CYP2B6: variants seen among roughly 807,000 people sequenced by gnomAD.
CYP2B6 encodes cytochrome P450 2B6.
Under a neutral mutation model 43.4 loss-of-function variants are expected in CYP2B6, and 35 were observed. That is an observed-to-expected ratio of 0.81 (90% CI 0.62 to 1.07). The LOEUF (loss-of-function observed/expected upper bound fraction) is 1.07. Ranked by LOEUF, CYP2B6 falls within the 50% of genes least tolerant of loss-of-function variation. CYP2B6 has a pLI of 0.00. For missense variants in CYP2B6, 624 were observed against 632.8 expected (o/e 0.99, Z 0.15); for synonymous variants, 239 against 239.2 (o/e 1.00, Z 0.01).
chr19:40,993,070 G>C lies in CYP2B6; in HGVS notation c.171+1594G>C, dbSNP rs115734479. On this transcript the variant is annotated intron_variant, in intron 1 of 8. Transcript: ENST00000324071. ...TTCAGACAATAAAGATAGTTCAATA[G>C]TATTAGAGTCCAATTGGTCATAGAT... Among the ~76,000 whole-genome samples, 3 of 152,240 alleles carry C rather than the reference G, an allele frequency of 2.0e-5. No individual in the cohort carries two copies. In the South Asian group the frequency reaches 6.2e-4, roughly 32 times the overall value.
At chr19:40,998,668 GT>G (rs1429399973) in intron 1 of CYP2B6, among the ~76,000 whole-genome samples, 2 of 125,752 alleles carry the variant, frequency 1.6e-5, no homozygotes, top group Non-Finnish European at 3.5e-5. Context: ...GTGAGAATAT[GT>G]GGTGTTTGGT....
Position 41,004,427 on chromosome 19 carries a change from G to A in CYP2B6, c.465G>A (p.Glu155=), listed in dbSNP as rs138652715. 400 of 1,613,840 alleles carry A rather than the reference G, an allele frequency of 2.5e-4. No individual in the cohort carries two copies. In the African/African-American group the frequency reaches 4.4e-3, roughly 18 times the overall value. The change falls in exon 3 of 9, where the codon GAG becomes GAA. Residue 155 remains glutamate, a synonymous_variant. Transcript: ENST00000324071. ...AGGAGGAGGCTCAGTGTCTGATAGA[G>A]GAGCTTCGGAAATCCAAGGGTGAGT... ...RIQEEAQCLI[E]ELRKSKGALM... is the part of the protein sequence containing the mutation.
chr19:40,993,263 T>C (rs369071898), intron 1 of CYP2B6, among the ~76,000 whole-genome samples: 5 of 152,276 alleles, frequency 3.3e-5, no homozygotes, highest in African/African-American at 1.2e-4. Context: ...GCTGTGTTAG[T>C]CCATTCTCAC....
At chr19:40,992,678 C>T (rs1333867424) in intron 1 of CYP2B6, among the ~76,000 whole-genome samples, 2 of 152,062 alleles carry the variant, frequency 1.3e-5, no homozygotes, top group African/African-American at 4.8e-5. Context: ...TGCCACCACG[C>T]CCAGCTAATT....
At chr19:41,016,356 T>C (rs1401778058) in intron 8 of CYP2B6, among the ~76,000 whole-genome samples, 160 of 127,994 alleles carry the variant, frequency 1.3e-3, no homozygotes, top group African/African-American at 4.4e-3. Flanking sequence ...GCCAAGATGG[T>C]GCCACTGTGC....
intron 1 of CYP2B6, among the ~76,000 whole-genome samples, chr19:40,992,065 A>G (rs964992669): frequency 2.0e-5 from 3 of 151,906 alleles, no homozygotes; most frequent in Admixed American, 6.6e-5. Flanking sequence ...AGCTGGGCAT[A>G]GTGATGCGTG....
chr19:41,002,780 C>T (rs1054105939), intron 1 of CYP2B6, among the ~76,000 whole-genome samples: 2 of 152,068 alleles, frequency 1.3e-5, no homozygotes, highest in Non-Finnish European at 2.9e-5. Context: ...AACTCCTGAC[C>T]TCGTGATCAG....
chr19:40,999,697 A>C (rs150764891), intron 1 of CYP2B6, among the ~76,000 whole-genome samples: 56 of 151,986 alleles, frequency 3.7e-4, no homozygotes, highest in Middle Eastern at 3.4e-3. Context: ...TTTTCATTTT[A>C]ATTGTTTTAG....
At chr19:41,003,877 C>A (rs1969132701) in intron 1 of CYP2B6, 124 bp from the exon 2 acceptor site, 1 of 1,329,386 alleles carries the variant, frequency 7.5e-7, no homozygotes. Flanking sequence ...GGGGAAAGGG[C>A]AGCCTGGGGA....
chr19:41,012,196 C>T, intron 6 of CYP2B6, 102 bp from the exon 7 acceptor site: 1 of 1,099,100 alleles, frequency 9.1e-7, no homozygotes, highest in South Asian at 1.3e-5. Flanking sequence ...GGAATCCACC[C>T]ACCTCAACCT....
chr19:41,006,581 G>A (rs776676674), intron 3 of CYP2B6, among the ~76,000 whole-genome samples: 4 of 151,886 alleles, frequency 2.6e-5, no homozygotes, highest in Admixed American at 6.6e-5. Context: ...AGTGAGAACC[G>A]GCTGCATGGA....
chr19:41,011,854 A>C (rs1309545869), intron 6 of CYP2B6, among the ~76,000 whole-genome samples: 1 of 152,098 alleles, frequency 6.6e-6, no homozygotes, highest in Non-Finnish European at 1.5e-5. Flanking sequence ...CCCCATGCTG[A>C]TTACTTTGAG....
chr19:41,005,805 AAT>A (rs1181094274), intron 3 of CYP2B6, among the ~76,000 whole-genome samples: 88 of 152,038 alleles, frequency 5.8e-4, no homozygotes, highest in African/African-American at 2.0e-3. Flanking sequence ...ATAATAATAA[AAT>A]AAAGAACGGC....
intron 1 of CYP2B6, among the ~76,000 whole-genome samples, chr19:40,997,600 A>C (rs1969016839): frequency 6.6e-6 from 1 of 152,176 alleles, no homozygotes; most frequent in African/African-American, 2.4e-5. Flanking sequence ...GATAATTGTC[A>C]TACATATATA....
intron 6 of CYP2B6, among the ~76,000 whole-genome samples, chr19:41,010,390 G>GTTT (rs1355817533): frequency 1.6e-4 from 24 of 149,270 alleles, no homozygotes; most frequent in African/African-American, 5.9e-4. Flanking sequence ...TTGTTTGTTT[G>GTTT]TTTGTTTTTT....
chr19:40,991,573 A>G, intron 1 of CYP2B6, 97 bp downstream of exon 1: 1 of 1,382,006 alleles, frequency 7.2e-7, no homozygotes, highest in African/African-American at 1.4e-5. Flanking sequence ...TTCCAGAGTC[A>G]GGGGTGGCAC....
Position 40,991,339 on chromosome 19 carries a change from C to T in CYP2B6, c.34C>T (p.Leu12Phe), listed in dbSNP as rs758475406. 6.2e-7 allele frequency: 1 copy of T among 1,614,104 alleles called. No individual in the cohort carries two copies. The highest frequency in any genetic ancestry group is 8.5e-7 in the Non-Finnish European group (1 of 1,180,020). ...CAGCGTCCTCCTCTTCCTTGCACTC[C>T]TCACAGGACTCTTGCTACTCCTGGT... ...ELSVLLFLAL[L>F]TGLLLLLVQR... The change falls in exon 1 of 9, where the codon CTC (leucine) becomes TTC (phenylalanine). Residue 12 changes from leucine (L) to phenylalanine (F), a missense_variant. Physicochemically the swap from Leu to Phe is conservative, Grantham distance 22. Coordinates refer to ENST00000324071, the MANE Select transcript of CYP2B6 (RefSeq NM_000767.5).
chr19:41,009,496 G>A (rs941085869), intron 5 of CYP2B6, 101 bp downstream of exon 5: 7 of 1,352,876 alleles, frequency 5.2e-6, no homozygotes, highest in Non-Finnish European at 6.2e-6. Context: ...AAGATGGGGA[G>A]GGAAGAAGAA....
At chr19:41,003,846 C>T (rs1035374544) in intron 1 of CYP2B6, 155 bp from the exon 2 acceptor site, 4 of 975,080 alleles carry the variant, frequency 4.1e-6, no homozygotes, top group African/African-American at 1.6e-5. Context: ...ACCATTAACC[C>T]TTAATTGCTG....
Sources: allele counts gnomAD v4.1 joint callset (sites outside exome capture counted in the v4.1 genomes callset), GRCh38; gene constraint gnomAD v4.1.1; transcripts MANE v1.5; gene names NCBI Gene and HGNC (gene_info 2026-07-23, HGNC 2026-07-21).